The following GNS variants were observed in gnomAD, a reference collection of about 807,000 sequenced individuals.
The protein encoded by GNS is glucosamine (N-acetyl)-6-sulfatase.
In GNS, 40 loss-of-function variants were observed where a neutral mutation model predicts 69.7. The ratio of observed to expected loss-of-function variants is 0.57; its 90% CI spans 0.45 to 0.75. The LOEUF (loss-of-function observed/expected upper bound fraction) is 0.75. Among genes scored for constraint, GNS ranks in the 30% least tolerant of loss-of-function variants. The pLI, the probability that GNS is intolerant of heterozygous loss-of-function variation, is 0.00. For missense variants in GNS, 565 were observed against 685.5 expected (o/e 0.82, Z 1.96); for synonymous variants, 243 against 251.6 (o/e 0.97, Z 0.32).
chr12:64,750,417 A>C (rs989149642), intron 2 of GNS, among the ~76,000 whole-genome samples: 3 of 152,004 alleles, frequency 2.0e-5, no homozygotes, highest in African/African-American at 7.3e-5. Context: ...GCTGGTCTCA[A>C]ACTCCTGAGC....
intron 1 of GNS, 74 bp downstream of exon 1, chr12:64,759,011 G>C: frequency 8.0e-7 from 1 of 1,252,824 alleles, no homozygotes; most frequent in Non-Finnish European, 1.1e-6. Context: ...GGGTGGTGGG[G>C]ACCGGGAAAG....
chr12:64,727,222 G>A (rs1869230719), intron 10 of GNS, among the ~76,000 whole-genome samples: 1 of 149,678 alleles, frequency 6.7e-6, no homozygotes, highest in African/African-American at 2.5e-5. Flanking sequence ...TTGAGCCCAG[G>A]AGTTCGAGAT....
At chr12:64,724,920 G>T (rs1245542119) in intron 10 of GNS, among the ~76,000 whole-genome samples, 1 of 152,136 alleles carries the variant, frequency 6.6e-6, no homozygotes, top group Non-Finnish European at 1.5e-5. Context: ...GAAGCCAGAA[G>T]GTGGAATTGA....
In GNS at chr12:64,732,153, A is replaced by ATTTTTTTTTTTTTTTTTTT. The variant is rs1210247666; in HGVS notation, c.1099-3097_1099-3096insAAAAAAAAAAAAAAAAAAA. Among the ~76,000 whole-genome samples the ATTTTTTTTTTTTTTTTTTT allele has an allele frequency of 1.9e-4, 17 of 88,746 alleles. 5 individuals carry two copies. The highest frequency in any genetic ancestry group is 3.1e-4 in the Non-Finnish European group (15 of 48,548). 58.2% of individuals were successfully genotyped at this position (88,746 alleles called of 152,430 possible). On this transcript the variant is annotated intron_variant, in intron 9 of 13. Transcript: ENST00000258145. ...AGGCACCTGCCACCACACCTGGCTA[A>ATTTTTTTTTTTTTTTTTTT]TTTTTTTTTTTTGTTGTTTTTTTTT...
intron 7 of GNS, among the ~76,000 whole-genome samples, chr12:64,740,017 G>C (rs1869681918): frequency 6.6e-6 from 1 of 152,206 alleles, no homozygotes; most frequent in Non-Finnish European, 1.5e-5. Flanking sequence ...CCACAACCAT[G>C]CTCATTCATT....
intron 1 of GNS, chr12:64,756,621 G>A (rs1433679303): frequency 1.4e-6 from 1 of 730,420 alleles, no homozygotes; most frequent in African/African-American, 1.8e-5. Flanking sequence ...ATGTACAGCA[G>A]AGGACTCCTG....
In GNS at chr12:64,739,579, C is replaced by T. The variant is rs79718628; in HGVS notation, c.876-80G>A. On this transcript the variant is annotated intron_variant, in intron 7 of 13. Transcript: ENST00000258145. ...ACTATCTTGCCAAAAAAAAAAAAAA[C>T]CAAAAACAAAAACAAAGACACCCCC... 5.8e-6 allele frequency: 4 copies of T among 684,964 alleles called. No homozygotes were observed. In the Admixed American group the frequency reaches 6.6e-5, roughly 11 times the overall value. The allele number at this position is 684,964 out of a possible 1,614,324, so 42.4% of individuals were successfully genotyped here. A position where few individuals can be genotyped will look rare whatever the true frequency, so the allele number is the denominator to read the frequency against.
At chr12:64,744,768 C>T (rs767519601) in intron 5 of GNS, 41 bp downstream of exon 5, 2 of 903,844 alleles carry the variant, frequency 2.2e-6, no homozygotes, top group Admixed American at 3.4e-5. Flanking sequence ...AAATGTGAGC[C>T]AACCCTGTAA....
chr12:64,759,299 C>T lies in GNS; in HGVS notation c.-23G>A, dbSNP rs1171556172. ...CATAGCGGACAGGCTCCGGGGTGAC[C>T]CCGGGACGGGACGGGACGGAGGGAC... On this transcript the variant is annotated 5_prime_UTR_variant, in exon 1 of 14. Coordinates refer to ENST00000258145, the MANE Select transcript of GNS (RefSeq NM_002076.4). 1 of 1,470,238 alleles carries T rather than the reference C, an allele frequency of 6.8e-7. No individual in the cohort carries two copies. Among genetic ancestry groups the T allele is most frequent in the African/African-American group, 1.4e-5 (1 of 70,798 alleles). The allele number at this position is 1,470,238 out of a possible 1,614,324, so 91.1% of individuals were successfully genotyped here.
At chr12:64,727,440 A>T (rs976722544) in intron 10 of GNS, among the ~76,000 whole-genome samples, 14 of 152,286 alleles carry the variant, frequency 9.2e-5, no homozygotes, top group African/African-American at 3.1e-4. Flanking sequence ...CCATCTCAAA[A>T]ACAAACAAAA....
At chr12:64,721,153 C>T (rs140075864) in intron 12 of GNS, among the ~76,000 whole-genome samples, 16 of 152,266 alleles carry the variant, frequency 1.1e-4, no homozygotes, top group African/African-American at 3.6e-4. Flanking sequence ...CCTGTGTTGG[C>T]CAAAAACCAC....
intron 1 of GNS, among the ~76,000 whole-genome samples, chr12:64,753,404 A>G (rs1870143131): frequency 6.6e-6 from 1 of 152,238 alleles, no homozygotes; most frequent in Non-Finnish European, 1.5e-5. Flanking sequence ...TTACAAGTAC[A>G]GAGAACAATT....
intron 10 of GNS, 135 bp from the exon 11 acceptor site, chr12:64,723,248 A>G (rs1277486714): frequency 2.9e-6 from 2 of 689,984 alleles, no homozygotes; most frequent in Non-Finnish European, 5.4e-6. Context: ...GGGAATGACT[A>G]AAACAGGTAC....
chr12:64,754,889 C>G (rs61932681), intron 1 of GNS, among the ~76,000 whole-genome samples: 1 of 132,520 alleles, frequency 7.5e-6, no homozygotes, highest in Non-Finnish European at 1.7e-5. Flanking sequence ...GAACTTGTCT[C>G]CAAAAAAAAA....
At chr12:64,734,868 C>T (rs891786783) in intron 9 of GNS, among the ~76,000 whole-genome samples, 1 of 152,022 alleles carries the variant, frequency 6.6e-6, no homozygotes, top group Admixed American at 6.6e-5. Context: ...TTTGGGAGGC[C>T]GAGGCAGGCA....
intron 9 of GNS, among the ~76,000 whole-genome samples, chr12:64,736,115 A>G (rs116489777): frequency 2.6e-5 from 4 of 152,206 alleles, no homozygotes; most frequent in South Asian, 2.1e-4. Flanking sequence ...TGAAATTGTG[A>G]TATCAGGAAG....
chr12:64,743,393 T>A, intron 5 of GNS, 85 bp from the exon 6 acceptor site: 1 of 914,496 alleles, frequency 1.1e-6, no homozygotes, highest in Non-Finnish European at 1.8e-6. Context: ...GAGCAGACAG[T>A]ACAGGGTCTT....
At chr12:64,758,985 G>T in intron 1 of GNS, 100 bp downstream of exon 1, 1 of 1,006,642 alleles carries the variant, frequency 9.9e-7, no homozygotes, top group Non-Finnish European at 1.5e-6. Context: ...GGATAAGACA[G>T]CCAGTTCGGG....
chr12:64,759,005 G>T, intron 1 of GNS, 80 bp downstream of exon 1: 1 of 1,175,680 alleles, frequency 8.5e-7, no homozygotes, highest in Non-Finnish European at 1.2e-6. Context: ...GGAGGAGGGT[G>T]GTGGGGACCG....
Sources: allele counts gnomAD v4.1 joint callset (sites outside exome capture counted in the v4.1 genomes callset), GRCh38; gene constraint gnomAD v4.1.1; transcripts MANE v1.5; gene names NCBI Gene and HGNC (gene_info 2026-07-23, HGNC 2026-07-21).